PPP1R21: variants seen among roughly 807,000 people sequenced by gnomAD.
PPP1R21 encodes the protein protein phosphatase 1 regulatory subunit 21, also known as KLRAQ motif containing 1.
A neutral mutation model predicts 112.8 loss-of-function variants in PPP1R21; 85 were observed. The ratio of observed to expected loss-of-function variants is 0.75; its 90% confidence interval spans 0.63 to 0.90. PPP1R21 has a LOEUF of 0.90. PPP1R21 is among the 40% of genes least tolerant of loss of function. PPP1R21 has a pLI of 0.00. For missense variants in PPP1R21, 1,199 were observed against 901.5 expected (o/e 1.33, Z -4.23); for synonymous variants, 381 against 322.3 (o/e 1.18, Z -1.95).
intron 1 of PPP1R21, 72 bp downstream of exon 1, chr2:48,441,082 G>A (rs1013250924): frequency 2.4e-5 from 25 of 1,056,900 alleles, no homozygotes; most frequent in African/African-American, 4.7e-5. Flanking sequence ...GCGACTTGTC[G>A]GGACCTAGGG....
chr2:48,485,855 G>A (rs1042428495), intron 13 of PPP1R21, among the ~76,000 whole-genome samples: 2 of 146,794 alleles, frequency 1.4e-5, no homozygotes, highest in Admixed American at 6.9e-5. Context: ...ATATATAGTT[G>A]TATATATTAA....
At chr2:48,494,500 C>T (rs1669726793) in intron 15 of PPP1R21, among the ~76,000 whole-genome samples, 2 of 151,580 alleles carry the variant, frequency 1.3e-5, no homozygotes, top group African/African-American at 4.9e-5. Flanking sequence ...GATCTCGGCT[C>T]ACCACAACCT....
chr2:48,476,739 A>G (rs1014655784), intron 12 of PPP1R21, among the ~76,000 whole-genome samples: 1 of 152,052 alleles, frequency 6.6e-6, no homozygotes, highest in African/African-American at 2.4e-5. Context: ...GGCCATTTGT[A>G]TATCTTCTTG....
chr2:48,513,095 G>A (rs1462590658), intron 21 of PPP1R21, among the ~76,000 whole-genome samples: 1 of 152,172 alleles, frequency 6.6e-6, no homozygotes, highest in Non-Finnish European at 1.5e-5. Flanking sequence ...AACTTCAGAA[G>A]TATTTGGTTT....
At chr2:48,491,724 T>A (rs143964692) in intron 15 of PPP1R21, among the ~76,000 whole-genome samples, 103 of 152,246 alleles carry the variant, frequency 6.8e-4, no homozygotes, top group African/African-American at 2.4e-3. Context: ...AAAAGCAGAA[T>A]GTATTTAGGT....
At chr2:48,481,862 C>G (rs1339714788) in intron 13 of PPP1R21, among the ~76,000 whole-genome samples, 1 of 152,160 alleles carries the variant, frequency 6.6e-6, no homozygotes, top group Non-Finnish European at 1.5e-5. Flanking sequence ...AAATTCCGCA[C>G]TTGCCCTCAC....
chr2:48,494,154 C>T lies in PPP1R21; in HGVS notation c.1600-1525C>T, dbSNP rs1669699852. Among the ~76,000 whole-genome samples, 2 of 142,534 alleles carry T rather than the reference C, an allele frequency of 1.4e-5. 1 individual carries two copies. The highest frequency in any genetic ancestry group is 5.2e-5 in the African/African-American group (2 of 38,466). 93.5% of individuals were successfully genotyped at this position (142,534 alleles called of 152,430 possible). ...GAGGCTGGGCTGAGGCAGGAGGAGC[C>T]CTGGAGTCTGGGAGGTCAAGGCTGC... On this transcript the variant is annotated intron_variant, in intron 15 of 21. Coordinates refer to ENST00000294952, the MANE Select transcript of PPP1R21 (RefSeq NM_001135629.3).
rs1218059653 is a variant in PPP1R21 at position 48,469,375 on chromosome 2, T to TAG, written c.898-1711_898-1710insGA. Among the ~76,000 whole-genome samples the TAG allele has an allele frequency of 1.7e-3, 22 of 12,734 alleles. 3 individuals carry two copies. Among genetic ancestry groups the TAG allele is most frequent in the African/African-American group, 4.6e-3 (9 of 1,940 alleles). 8.4% of individuals were successfully genotyped at this position (12,734 alleles called of 152,430 possible). A position where few individuals can be genotyped will look rare whatever the true frequency, so the allele number is the denominator to read the frequency against. On this transcript the variant is annotated intron_variant, in intron 9 of 21. Coordinates refer to ENST00000294952, the MANE Select transcript of PPP1R21 (RefSeq NM_001135629.3). ...CATATATATATAGAGCATATATATA[T>TAG]ATAGCATATATATATAGAGCATATA...
At position 48,467,601 on chromosome 2, in the gene PPP1R21, T is replaced by G. The variant is rs553646314; in HGVS notation, c.897+1959T>G. 2.0e-5 allele frequency among the ~76,000 whole-genome samples: 3 copies of G among 152,326 alleles called. No homozygotes were observed. In the East Asian group the frequency reaches 5.8e-4, roughly 29 times the overall value. ...TTGGCTGGGAACCTCAGTTTCTTAT[T>G]GCCTGGCTCTTTGAGTGTCCTCATA... On this transcript the variant is annotated intron_variant, in intron 9 of 21. Coordinates refer to ENST00000294952, the MANE Select transcript of PPP1R21 (RefSeq NM_001135629.3).
chr2:48,448,874 C>T (rs1001172554), intron 1 of PPP1R21, among the ~76,000 whole-genome samples: 5 of 152,112 alleles, frequency 3.3e-5, no homozygotes, highest in Non-Finnish European at 5.9e-5. Context: ...TGCAACTGCT[C>T]GTCTCTTCCA....
intron 14 of PPP1R21, among the ~76,000 whole-genome samples, chr2:48,489,189 C>T (rs939249717): frequency 3.9e-5 from 6 of 152,112 alleles, no homozygotes; most frequent in African/African-American, 1.4e-4. Context: ...GTATACAAGA[C>T]TGTAACTTTT....
chr2:48,487,268 T>C (rs541244853), intron 14 of PPP1R21, among the ~76,000 whole-genome samples: 1 of 152,304 alleles, frequency 6.6e-6, no homozygotes, highest in Admixed American at 6.5e-5. Flanking sequence ...CTTTGGGTTT[T>C]TTCCTTCTAG....
chr2:48,486,735 G>A lies in PPP1R21; in HGVS notation c.1423G>A (p.Ala475Thr), dbSNP rs1669318239. 6.2e-7 allele frequency: 1 copy of A among 1,613,524 alleles called. No individual in the cohort carries two copies. Among genetic ancestry groups the A allele is most frequent in the Non-Finnish European group, 8.5e-7 (1 of 1,179,720 alleles). ...TNDCILSSVV[A>T]LTNGAGKIAS... ...TGACTGTATCCTGTCATCAGTAGTG[G>A]CATTAACAAATGGAGCAGGAAAGGT... The change falls in exon 14 of 22, where the codon GCA becomes ACA. Residue 475 changes from alanine to threonine, a missense_variant. By Grantham distance (58) the Ala-to-Thr change is moderately conservative. Coordinates refer to ENST00000294952, the MANE Select transcript of PPP1R21 (RefSeq NM_001135629.3).
At chr2:48,506,635 A>G (rs1045206295) in intron 18 of PPP1R21, among the ~76,000 whole-genome samples, 6 of 152,108 alleles carry the variant, frequency 3.9e-5, no homozygotes, top group Admixed American at 6.6e-5. Context: ...ACTGTTCAAT[A>G]TAGAAATAGT....
intron 9 of PPP1R21, among the ~76,000 whole-genome samples, chr2:48,466,974 G>A (rs889872886): frequency 6.6e-6 from 1 of 152,126 alleles, no homozygotes; most frequent in Non-Finnish European, 1.5e-5. Context: ...CTTTTTGATC[G>A]GGGGTGACAT....
chr2:48,483,948 A>G (rs1572870484), intron 13 of PPP1R21, among the ~76,000 whole-genome samples: 1 of 152,118 alleles, frequency 6.6e-6, no homozygotes, highest in East Asian at 1.9e-4. Context: ...TCGGTCTCCC[A>G]AAGTGCTGGG....
chr2:48,464,893 T>C, intron 7 of PPP1R21, 44 bp from the exon 8 acceptor site: 2 of 1,437,210 alleles, frequency 1.4e-6, no homozygotes, highest in South Asian at 1.2e-5. Flanking sequence ...TTTTCCAGTA[T>C]ATGTGAAATG....
Position 48,503,607 on chromosome 2 carries a change from A to G in PPP1R21, c.1936-1957A>G, listed in dbSNP as rs572464342. Reference sequence around the variant, plus strand: ...TAAAAGGACTGTATCAGTTTATACTATTGTTAGTATCATATGAGAAAATGT... The same window carrying G: ...TAAAAGGACTGTATCAGTTTATACTGTTGTTAGTATCATATGAGAAAATGT... On this transcript the variant is annotated intron_variant, in intron 17 of 21. Transcript: ENST00000294952. 3.3e-4 allele frequency among the ~76,000 whole-genome samples: 51 copies of G among 152,298 alleles called. 1 individual carries two copies. In the South Asian group the frequency reaches 7.9e-3, roughly 24 times the overall value.
rs182983921 is a variant in PPP1R21, at chr2:48,452,384, C to T, written c.126+1308C>T. 3.7e-3 allele frequency among the ~76,000 whole-genome samples: 561 copies of T among 152,228 alleles called. 1 individual carries two copies. Among genetic ancestry groups the T allele is most frequent in the Non-Finnish European group, 5.8e-3 (394 of 68,014 alleles). On this transcript the variant is annotated intron_variant, in intron 2 of 21. Coordinates refer to ENST00000294952, the MANE Select transcript of PPP1R21 (RefSeq NM_001135629.3). ...AGTGTTCACAACAACCCGATGAGGT[C>T]AGATAACATTATCATCCCCATTACA... is the stretch of plus-strand genomic sequence containing the variant.
Sources: gnomAD v4.1 joint callset for allele counts (sites outside exome capture counted in the v4.1 genomes callset) on GRCh38, gnomAD v4.1.1 for gene constraint, MANE v1.5 for transcripts, NCBI Gene and HGNC (gene_info 2026-07-23, HGNC 2026-07-21) for gene names.